The following CNTNAP3 variants were observed in gnomAD, a reference collection of about 807,000 sequenced individuals.
CNTNAP3 encodes contactin associated protein family member 3.
Under a neutral mutation model 92.1 loss-of-function variants are expected in CNTNAP3, and 36 were observed. The observed-to-expected ratio is 0.39, with a 90% CI of 0.30 to 0.52. The LOEUF (loss-of-function observed/expected upper bound fraction) is 0.52, where lower values mean the gene tolerates loss of function less well. Among genes scored for constraint, CNTNAP3 ranks in the 20% least tolerant of loss-of-function variants. The pLI is 0.76. For missense variants in CNTNAP3, 534 were observed against 1,069.6 expected (o/e 0.50, Z 6.98); for synonymous variants, 232 against 422.3 (o/e 0.55, Z 5.53).
rs182353027 is a variant in CNTNAP3 at position 39,079,270 on chromosome 9, C to T, written c.3443-350G>A. 2.8e-3 allele frequency among the ~76,000 whole-genome samples: 426 copies of T among 151,876 alleles called. 1 individual carries two copies. The highest frequency in any genetic ancestry group is 4.3e-3 in the Non-Finnish European group (294 of 67,928). On this transcript the variant is annotated intron_variant, in intron 21 of 23. Coordinates refer to ENST00000297668, the MANE Select transcript of CNTNAP3 (RefSeq NM_033655.5). ...TAGCATTAAAATAAAATTTTAATGG[C>T]GCTCACAGCCAATAATCCGGAGGAT...
At position 39,100,003 on chromosome 9, in the gene CNTNAP3, A is replaced by C; in HGVS notation, c.2903T>G (p.Leu968Trp). The change falls in exon 18 of 24, where the codon TTG (leucine) becomes TGG (tryptophan). Residue 968 changes from leucine (L) to tryptophan (W), a missense_variant. Coordinates refer to ENST00000297668, the MANE Select transcript of CNTNAP3 (RefSeq NM_033655.5). ...TCTGCATCTCCCTCCATTGCGACAC[A>C]AGTGTCCATAGGTGCTGCAGTGTCC... is the stretch of plus-strand genomic sequence containing the variant. ...CAGHCSTYGH[L>W]CRNGGRCREK... 6.3e-7 allele frequency: 1 copy of C among 1,591,692 alleles called. No individual in the cohort carries two copies. Among genetic ancestry groups the C allele is most frequent in the Non-Finnish European group, 8.6e-7 (1 of 1,168,916 alleles).
rs529655955 is a variant in CNTNAP3 at position 39,081,607 on chromosome 9, G to GA, written c.3443-2688dup. 5.2e-3 allele frequency among the ~76,000 whole-genome samples: 787 copies of GA among 150,730 alleles called. 11 individuals carry two copies. Among genetic ancestry groups the GA allele is most frequent in the African/African-American group, 0.018 (753 of 41,002 alleles). ...GAAATACTGGCACTTGACGTTGTGGGAAAAAAAATATTTGAGATAGGGTTG... is the reference window on the plus strand; with the variant it reads ...GAAATACTGGCACTTGACGTTGTGGGAAAAAAAAATATTTGAGATAGGGTTG... On this transcript the variant is annotated intron_variant, in intron 21 of 23. Coordinates refer to ENST00000297668, the MANE Select transcript of CNTNAP3 (RefSeq NM_033655.5).
Position 39,150,308 on chromosome 9 carries a change from G to A in CNTNAP3, c.1478-331C>T, listed in dbSNP as rs2778132. Among the ~76,000 whole-genome samples the A allele has an allele frequency of 2.2e-3, 302 of 137,804 alleles. 2 individuals carry two copies. Among genetic ancestry groups the A allele is most frequent in the African/African-American group, 7.8e-3 (284 of 36,278 alleles). 90.4% of individuals were successfully genotyped at this position (137,804 alleles called of 152,430 possible). On this transcript the variant is annotated intron_variant, in intron 9 of 23. Coordinates refer to ENST00000297668, the MANE Select transcript of CNTNAP3 (RefSeq NM_033655.5). Reference sequence around the variant, plus strand: ...ATCATGCATTTTAGCATTATGTAGTGTAAGTGAAAAAAATTAAAGTGGAGG... The same window carrying A: ...ATCATGCATTTTAGCATTATGTAGTATAAGTGAAAAAAATTAAAGTGGAGG...
rs1276644282 is a variant in CNTNAP3, at chr9:39,241,301, T to C, written c.197-2115A>G. 7.1e-4 allele frequency among the ~76,000 whole-genome samples: 4 copies of C among 5,616 alleles called. 2 individuals are homozygous for C. The highest frequency in any genetic ancestry group is 7.6e-4 in the African/African-American group (4 of 5,258). 3.7% of individuals were successfully genotyped at this position (5,616 alleles called of 152,430 possible). ...TGTGCAATTAAATATTTCTATTATA[T>C]TATTTTGATGATAATCATGGGATGT... On this transcript the variant is annotated intron_variant, in intron 2 of 23. Coordinates refer to ENST00000297668, the MANE Select transcript of CNTNAP3 (RefSeq NM_033655.5).
rs2118324139 is a variant in CNTNAP3, at chr9:39,067,142, A to C, written c.*6748T>G. ...TGAAAACTCTCATCTGCCATTAATT[A>C]CATCCATTGTATTTTTTAATCTTAT... On this transcript the variant is annotated 3_prime_UTR_variant, in exon 24 of 24. Coordinates refer to ENST00000297668, the MANE Select transcript of CNTNAP3 (RefSeq NM_033655.5). Among the ~76,000 whole-genome samples the C allele has an allele frequency of 6.6e-6, 1 of 151,850 alleles. No homozygotes were observed. Among genetic ancestry groups the C allele is most frequent in the South Asian group, 2.1e-4 (1 of 4,834 alleles).
At chr9:39,139,396 T>A (rs1821518042) in intron 12 of CNTNAP3, among the ~76,000 whole-genome samples, 1 of 152,212 alleles carries the variant, frequency 6.6e-6, no homozygotes, top group South Asian at 2.1e-4. Flanking sequence ...AACGCCTGTG[T>A]TTCTTTATCT....
At chr9:39,079,829 T>TC (rs1026148647) in intron 21 of CNTNAP3, among the ~76,000 whole-genome samples, 4 of 135,958 alleles carry the variant, frequency 2.9e-5, no homozygotes, top group Non-Finnish European at 6.2e-5. Context: ...TTTCCAACTT[T>TC]CCCCCATTCC....
chr9:39,085,956 A>G, intron 20 of CNTNAP3, 133 bp from the exon 21 acceptor site: 2 of 852,904 alleles, frequency 2.3e-6, no homozygotes, highest in Non-Finnish European at 3.8e-6. Context: ...TCAAGAAGCC[A>G]CCTTCAAATA....
Position 39,283,930 on chromosome 9 carries a change from G to T in CNTNAP3, c.85+4050C>A, listed in dbSNP as rs1289645513. Among the ~76,000 whole-genome samples, 2 of 1,612 alleles carry T rather than the reference G, an allele frequency of 1.2e-3. 1 individual carries two copies. Among genetic ancestry groups the T allele is most frequent in the African/African-American group, 1.3e-3 (2 of 1,524 alleles). 1.1% of individuals were successfully genotyped at this position (1,612 alleles called of 152,430 possible). ...ATTCTGAGTTTTTCTATTGGTCCAT[G>T]TTTCCTTTAAACACAATTTTGAATG... is the stretch of plus-strand genomic sequence containing the variant. On this transcript the variant is annotated intron_variant, in intron 1 of 23. Coordinates refer to ENST00000297668, the MANE Select transcript of CNTNAP3 (RefSeq NM_033655.5).
intron 13 of CNTNAP3, among the ~76,000 whole-genome samples, chr9:39,123,170 C>G (rs983663827): frequency 6.7e-6 from 1 of 149,880 alleles, no homozygotes; most frequent in Admixed American, 6.7e-5. Context: ...TCTCGGCTCA[C>G]TGCAAGCTCC....
chr9:39,149,547 G>A (rs575057939), intron 10 of CNTNAP3, among the ~76,000 whole-genome samples: 2,398 of 150,584 alleles, frequency 0.016, 74 homozygotes, highest in African/African-American at 0.055. Context: ...TAGTAGAGAC[G>A]GGGTTTCACC....
At chr9:39,105,440 C>G (rs10974144) in intron 15 of CNTNAP3, among the ~76,000 whole-genome samples, 27,555 of 152,050 alleles carry the variant, frequency 0.18, 2,993 homozygotes, top group East Asian at 0.3. Context: ...AACAAACAAA[C>G]AAACAAACAA....
chr9:39,082,521 T>G (rs1825970377), intron 21 of CNTNAP3, among the ~76,000 whole-genome samples: 3 of 152,368 alleles, frequency 2.0e-5, no homozygotes, highest in Non-Finnish European at 4.4e-5. Flanking sequence ...TTAGGTGTTT[T>G]CATTCTGTAA....
intron 13 of CNTNAP3, among the ~76,000 whole-genome samples, chr9:39,121,863 C>A (rs570011897): frequency 1.7e-4 from 26 of 152,234 alleles, no homozygotes; most frequent in African/African-American, 6.0e-4. Context: ...ATTATGTTCT[C>A]TCCTTAACAA....
intron 21 of CNTNAP3, among the ~76,000 whole-genome samples, chr9:39,084,123 GGGTA>G (rs1447938412): frequency 6.6e-6 from 1 of 151,510 alleles, no homozygotes; most frequent in Non-Finnish European, 1.5e-5. Context: ...TAGTGAGGGT[GGGTA>G]GGTATAGTGT....
chr9:39,085,391 A>T, intron 21 of CNTNAP3: 1 of 271,196 alleles, frequency 3.7e-6, no homozygotes, highest in East Asian at 1.0e-4. Flanking sequence ...TGGTCTCCGG[A>T]GTTGATGTTG....
chr9:39,114,996 T>C (rs1256280430), intron 14 of CNTNAP3, among the ~76,000 whole-genome samples: 4 of 151,082 alleles, frequency 2.6e-5, no homozygotes, highest in African/African-American at 9.7e-5. Flanking sequence ...TTTTAAATCA[T>C]TATAGTGCCT....
At chr9:39,161,485 C>G (rs1051017617) in intron 9 of CNTNAP3, among the ~76,000 whole-genome samples, 1 of 38,594 alleles carries the variant, frequency 2.6e-5, no homozygotes, top group Non-Finnish European at 4.5e-5. Context: ...TTCCTTACAC[C>G]ATATACAAAA....
intron 18 of CNTNAP3, among the ~76,000 whole-genome samples, chr9:39,093,343 TTC>T (rs1826253568): frequency 6.7e-6 from 1 of 148,470 alleles, no homozygotes; most frequent in South Asian, 2.2e-4. Context: ...ACATTTTAAT[TTC>T]TTTCTTGATT....
Sources: allele counts gnomAD v4.1 joint callset (sites outside exome capture counted in the v4.1 genomes callset), GRCh38; gene constraint gnomAD v4.1.1; transcripts MANE v1.5; gene names NCBI Gene and HGNC (gene_info 2026-07-23, HGNC 2026-07-21).